Variants in NWD2 observed in about 807,000 individuals in gnomAD.
NWD2 encodes NACHT and WD repeat domain-containing protein 2.
A neutral mutation model predicts 132.7 loss-of-function variants in NWD2; 37 were observed. The ratio of observed to expected loss-of-function variants is 0.28; its 90% CI spans 0.21 to 0.37. The LOEUF (loss-of-function observed/expected upper bound fraction) is 0.37, where lower values mean the gene tolerates loss of function less well. Ranked by LOEUF, NWD2 falls within the 10% of genes least tolerant of loss-of-function variation. NWD2 has a pLI of 1.00. For synonymous variants in NWD2, 705 were observed against 803.0 expected, an observed-to-expected ratio of 0.88 and a Z score of 2.06; for missense variants, 1,592 against 2,122.4, an observed-to-expected ratio of 0.75 and a Z score of 4.91.
At chr4:37,395,835 G>A (rs1003819013) in intron 3 of NWD2, among the ~76,000 whole-genome samples, 6 of 151,314 alleles carry the variant, frequency 4.0e-5, no homozygotes, top group South Asian at 2.1e-4. Flanking sequence ...GCATGATCTC[G>A]GCTCACTGCG....
chr4:37,368,345 C>A (rs1049797966), intron 3 of NWD2, among the ~76,000 whole-genome samples: 2 of 152,234 alleles, frequency 1.3e-5, no homozygotes, highest in African/African-American at 4.8e-5. Context: ...ATCCAACGAA[C>A]CTAAAGTCTC....
chr4:37,275,647 G>A (rs1331153559), intron 1 of NWD2, among the ~76,000 whole-genome samples: 1 of 152,102 alleles, frequency 6.6e-6, no homozygotes, highest in African/African-American at 2.4e-5. Flanking sequence ...GAACAAAGCT[G>A]GAGGCATCAC....
chr4:37,427,713 T>C lies in NWD2; in HGVS notation c.358-2859T>C, dbSNP rs371621092. 1.8e-4 allele frequency among the ~76,000 whole-genome samples: 28 copies of C among 152,322 alleles called. No individual in the cohort carries two copies. In the East Asian group the frequency reaches 3.5e-3, roughly 19 times the overall value. The stretch of plus-strand genomic sequence containing the variant: ...GTTAGATCTACTTCCTTTCTGGTCA[T>C]TGAGGCCAGTACTGAGGAGGCTTGA... On this transcript the variant is annotated intron_variant, in intron 3 of 6. Coordinates refer to ENST00000309447, the MANE Select transcript of NWD2 (RefSeq NM_001144990.2).
At chr4:37,362,139 C>A (rs1199735551) in intron 3 of NWD2, among the ~76,000 whole-genome samples, 1 of 152,132 alleles carries the variant, frequency 6.6e-6, no homozygotes, top group Non-Finnish European at 1.5e-5. Context: ...ACAAAGAGAA[C>A]TACAAAACAC....
chr4:37,320,698 G>A (rs150482240), intron 1 of NWD2, among the ~76,000 whole-genome samples: 197 of 152,242 alleles, frequency 1.3e-3, no homozygotes, highest in African/African-American at 4.6e-3. Context: ...CCCAGAAGTC[G>A]AACAGGCTGT....
intron 1 of NWD2, among the ~76,000 whole-genome samples, chr4:37,292,809 G>A (rs576649887): frequency 3.3e-5 from 5 of 151,990 alleles, no homozygotes; most frequent in South Asian, 2.1e-4. Flanking sequence ...CCCGGATCCC[G>A]CACACGCCCA....
intron 1 of NWD2, among the ~76,000 whole-genome samples, chr4:37,318,786 A>G (rs1719011218): frequency 6.6e-6 from 1 of 152,166 alleles, no homozygotes; most frequent in South Asian, 2.1e-4. Flanking sequence ...AGCTGTATCC[A>G]TGTTGCTGCA....
chr4:37,326,119 T>C (rs1719168459), intron 2 of NWD2, 95 bp downstream of exon 2: 4 of 746,956 alleles, frequency 5.4e-6, no homozygotes, highest in Admixed American at 6.2e-5. Flanking sequence ...AGACAAGTTT[T>C]AGGCCCTGAA....
At chr4:37,438,406 C>T (rs1056029081) in intron 5 of NWD2, among the ~76,000 whole-genome samples, 24 of 152,270 alleles carry the variant, frequency 1.6e-4, no homozygotes, top group Admixed American at 1.4e-3. Flanking sequence ...TTACATCCTT[C>T]AGCCTCCTCC....
At chr4:37,257,386 T>C (rs1229948925) in intron 1 of NWD2, among the ~76,000 whole-genome samples, 1 of 152,254 alleles carries the variant, frequency 6.6e-6, no homozygotes, top group Non-Finnish European at 1.5e-5. Context: ...TAGATTCAGG[T>C]TTGAATCCCA....
chr4:37,342,928 T>C (rs1181649673), intron 2 of NWD2, among the ~76,000 whole-genome samples: 1 of 152,198 alleles, frequency 6.6e-6, no homozygotes, highest in East Asian at 1.9e-4. Context: ...GTTTGTTGCC[T>C]GTTTTAATCA....
chr4:37,331,855 A>G (rs936592), intron 2 of NWD2, among the ~76,000 whole-genome samples: 21,067 of 151,934 alleles, frequency 0.14, 2,034 homozygotes, highest in East Asian at 0.36. Context: ...CATGGTGCAG[A>G]GAAAGAATCT....
chr4:37,413,563 C>T (rs78551732), intron 3 of NWD2, among the ~76,000 whole-genome samples: 22 of 152,160 alleles, frequency 1.4e-4, no homozygotes, highest in African/African-American at 4.3e-4. Flanking sequence ...GACAGTGTGG[C>T]GATTCCTCAA....
chr4:37,444,017 C>G lies in NWD2; in HGVS notation c.2029C>G (p.Leu677Val). Reference sequence around the variant, plus strand: ...CAAAATGGGTCTGAGTGAAATGGAACTGGAGGATGTGTTAGCCCTAGACAA... The same window carrying G: ...CAAAATGGGTCTGAGTGAAATGGAAGTGGAGGATGTGTTAGCCCTAGACAA... ...MAKMGLSEME[L>V]EDVLALDNSV... The change falls in exon 7 of 7, where the codon CTG (leucine) becomes GTG (valine). Residue 677 changes from leucine (L) to valine (V), a missense_variant. This residue lies in a region of NWD2 where 1,071 missense variants were observed against 1,398.0 expected (regional missense o/e 0.77). Transcript: ENST00000309447. This position sits in a 1 kb window ranked among gnomAD's most constrained non-coding sequence, Gnocchi z 4.8. 3 of 1,552,130 alleles carry G rather than the reference C, an allele frequency of 1.9e-6. No homozygotes were observed. Among genetic ancestry groups the G allele is most frequent in the Non-Finnish European group, 2.6e-6 (3 of 1,147,096 alleles).
intron 3 of NWD2, among the ~76,000 whole-genome samples, chr4:37,362,899 CAA>C (rs1323922059): frequency 6.6e-6 from 1 of 151,928 alleles, no homozygotes; most frequent in Non-Finnish European, 1.5e-5. Context: ...AGAAAATGTT[CAA>C]AAACTATGCA....
chr4:37,281,233 A>G (rs1577654301), intron 1 of NWD2, among the ~76,000 whole-genome samples: 1 of 151,934 alleles, frequency 6.6e-6, no homozygotes, highest in African/African-American at 2.4e-5. Flanking sequence ...GGATCTCATC[A>G]CCTCTCTGGT....
intron 3 of NWD2, among the ~76,000 whole-genome samples, chr4:37,366,345 A>T (rs968598518): frequency 6.6e-6 from 1 of 152,178 alleles, no homozygotes; most frequent in Non-Finnish European, 1.5e-5. Flanking sequence ...TACTAATGGG[A>T]ATGTGATAAG....
At chr4:37,321,730 A>G (rs896847762) in intron 1 of NWD2, among the ~76,000 whole-genome samples, 5 of 152,214 alleles carry the variant, frequency 3.3e-5, no homozygotes, top group Non-Finnish European at 5.9e-5. Context: ...TCTGTCACTC[A>G]TCATAATTAA....
chr4:37,362,951 A>G (rs897589809), intron 3 of NWD2, among the ~76,000 whole-genome samples: 9 of 152,228 alleles, frequency 5.9e-5, no homozygotes, highest in Non-Finnish European at 1.3e-4. Flanking sequence ...TAAGGAACTT[A>G]AACAATGGAA....
Sources: allele counts gnomAD v4.1 joint callset (sites outside exome capture counted in the v4.1 genomes callset), GRCh38; gene constraint gnomAD v4.1.1; regional missense constraint gnomAD v4.1.1; non-coding constraint Gnocchi (gnomAD v3.1); transcripts MANE v1.5; gene names NCBI Gene and HGNC (gene_info 2026-07-23, HGNC 2026-07-21).